MYO16: variants seen among roughly 807,000 people sequenced by gnomAD.
The protein encoded by MYO16 is unconventional myosin-XVI.
A neutral mutation model predicts 205.3 loss-of-function variants in MYO16; 94 were observed. The observed-to-expected ratio is 0.46, with a 90% CI of 0.39 to 0.54. The LOEUF (loss-of-function observed/expected upper bound fraction) is 0.54. MYO16 is among the 20% of genes least tolerant of loss of function. The pLI is 0.00. For synonymous variants in MYO16, 988 were observed against 954.0 expected (o/e 1.04, Z -0.66); for missense variants, 2,315 against 2,387.5 (o/e 0.97, Z 0.63).
intron 27 of MYO16, among the ~76,000 whole-genome samples, chr13:109,097,447 C>T (rs772460332): frequency 3.3e-5 from 5 of 152,166 alleles, no homozygotes; most frequent in Non-Finnish European, 5.9e-5. Context: ...TACATATCCC[C>T]CATCATACCC....
rs573364617 is a variant in MYO16, at chr13:108,890,435, C to T, written c.1659+1958C>T. The stretch of plus-strand genomic sequence containing the variant: ...CATCCTCCAGTGCATGTCCCTGTGG[C>T]AGGCCGTGGTTGATAGCTCTGCTCC... On this transcript the variant is annotated intron_variant, in intron 14 of 34. Coordinates refer to ENST00000457511, the MANE Select transcript of MYO16 (RefSeq NM_001198950.3). Among the ~76,000 whole-genome samples the T allele has an allele frequency of 7.2e-5, 11 of 152,270 alleles. No homozygotes were observed. In the East Asian group the frequency reaches 1.9e-3, roughly 27 times the overall value.
chr13:108,780,744 G>C (rs1260391067), intron 4 of MYO16, among the ~76,000 whole-genome samples: 4 of 152,194 alleles, frequency 2.6e-5, no homozygotes, highest in Non-Finnish European at 5.9e-5. Flanking sequence ...AGGCACTATG[G>C]TAGGTGTTGG....
intron 4 of MYO16, among the ~76,000 whole-genome samples, chr13:108,738,924 T>C (rs985640488): frequency 6.6e-6 from 1 of 152,154 alleles, no homozygotes; most frequent in Admixed American, 6.5e-5. Context: ...TCTTTGTTGG[T>C]TTAAGGTCTG....
intron 2 of MYO16, among the ~76,000 whole-genome samples, chr13:108,669,185 A>G (rs1881875726): frequency 6.6e-6 from 1 of 152,148 alleles, no homozygotes; most frequent in Non-Finnish European, 1.5e-5. Flanking sequence ...AGGTCCAATC[A>G]CAAGGAATGA....
At chr13:108,814,246 T>C (rs1164812036) in intron 7 of MYO16, among the ~76,000 whole-genome samples, 3 of 152,126 alleles carry the variant, frequency 2.0e-5, no homozygotes, top group Non-Finnish European at 4.4e-5. Context: ...ACTCTAACCT[T>C]TTTGCAAAGA....
chr13:108,590,019 T>C, the MYO16 span, among the ~76,000 whole-genome samples: 1 of 152,206 alleles, frequency 6.6e-6, no homozygotes, highest in African/African-American at 2.4e-5. Context: ...TGCAGTGATA[T>C]ATATAGGAAT....
intron 13 of MYO16, among the ~76,000 whole-genome samples, chr13:108,886,048 C>A (rs149371603): frequency 6.6e-6 from 1 of 151,834 alleles, no homozygotes; most frequent in African/African-American, 2.4e-5. Flanking sequence ...AGTGCAGTGG[C>A]GCGATCTGGG....
the MYO16 span, among the ~76,000 whole-genome samples, chr13:108,580,919 A>G: frequency 6.6e-6 from 1 of 152,262 alleles, no homozygotes; most frequent in African/African-American, 2.4e-5. Flanking sequence ...CTGAATAGAC[A>G]GTCTAAGAAT....
chr13:108,701,730 A>G (rs904059602), intron 2 of MYO16, among the ~76,000 whole-genome samples: 2 of 152,210 alleles, frequency 1.3e-5, no homozygotes, highest in Non-Finnish European at 2.9e-5. Context: ...TGTCTGAGAG[A>G]GCCCAGATAT....
At chr13:108,678,054 G>A (rs1427901195) in intron 2 of MYO16, among the ~76,000 whole-genome samples, 1 of 152,228 alleles carries the variant, frequency 6.6e-6, no homozygotes, top group African/African-American at 2.4e-5. Context: ...CACTGCCTCT[G>A]ACAGTGCCAC....
At chr13:108,885,115 G>T (rs1370601199) in intron 13 of MYO16, among the ~76,000 whole-genome samples, 2 of 152,204 alleles carry the variant, frequency 1.3e-5, no homozygotes, top group African/African-American at 4.8e-5. Context: ...CAAGGCAGGG[G>T]CTTCCACCCA....
At position 108,709,585 on chromosome 13, in the gene MYO16, G is replaced by T. The variant is rs543544289; in HGVS notation, c.293-3076G>T. Among the ~76,000 whole-genome samples the T allele has an allele frequency of 3.7e-4, 50 of 135,064 alleles. 10 individuals are homozygous for T. Among genetic ancestry groups the T allele is most frequent in the African/African-American group, 1.3e-3 (46 of 36,336 alleles). The allele number at this position is 135,064 out of a possible 152,430, so 88.6% of individuals were successfully genotyped here. A position where few individuals can be genotyped will look rare whatever the true frequency, so the allele number is the denominator to read the frequency against. On this transcript the variant is annotated intron_variant, in intron 2 of 34. Transcript: ENST00000457511. ...GTAATTCTTACACGTAAGGTACTCA[G>T]TACAGGGTTATACCAAAGATGTTCA...
At chr13:108,958,067 T>G (rs1418845356) in intron 17 of MYO16, among the ~76,000 whole-genome samples, 1 of 151,136 alleles carries the variant, frequency 6.6e-6, no homozygotes, top group Admixed American at 6.6e-5. Context: ...GAGGAGAGGG[T>G]GCAGTTTCCA....
intron 13 of MYO16, among the ~76,000 whole-genome samples, chr13:108,884,178 A>T (rs1879747419): frequency 6.6e-6 from 1 of 152,240 alleles, no homozygotes; most frequent in South Asian, 2.1e-4. Flanking sequence ...TGAAAATGGT[A>T]TAAAGTTAGA....
chr13:109,070,538 A>AT (rs1887892129), intron 27 of MYO16, among the ~76,000 whole-genome samples: 1 of 152,216 alleles, frequency 6.6e-6, no homozygotes, highest in African/African-American at 2.4e-5. Flanking sequence ...TGGTTTAACT[A>AT]TGAGTAAATG....
chr13:109,133,341 T>C (rs1335072722), intron 31 of MYO16, among the ~76,000 whole-genome samples: 2 of 152,190 alleles, frequency 1.3e-5, no homozygotes, highest in East Asian at 1.9e-4. Context: ...GCAGACACTG[T>C]TTATTTTGGA....
chr13:108,862,313 C>G (rs542053761), intron 11 of MYO16, among the ~76,000 whole-genome samples: 15 of 152,128 alleles, frequency 9.9e-5, no homozygotes, highest in South Asian at 4.1e-4. Context: ...ATGATTTTGA[C>G]TTGCAGGATT....
intron 32 of MYO16, among the ~76,000 whole-genome samples, chr13:109,163,404 A>G (rs1462815238): frequency 1.3e-5 from 2 of 152,120 alleles, no homozygotes; most frequent in African/African-American, 4.8e-5. Context: ...GTTAAGAGGG[A>G]CCAAGTCAAG....
chr13:108,786,905 T>A (rs71440003), intron 5 of MYO16, among the ~76,000 whole-genome samples: 12,008 of 152,284 alleles, frequency 0.079, 613 homozygotes, highest in Non-Finnish European at 0.12. Context: ...TTTCTCCAAG[T>A]CTTGTTAGCT....
Sources: allele counts gnomAD v4.1 joint callset (sites outside exome capture counted in the v4.1 genomes callset), GRCh38; gene constraint gnomAD v4.1.1; transcripts MANE v1.5; gene names NCBI Gene and HGNC (gene_info 2026-07-23, HGNC 2026-07-21).